Variants in C12orf42 observed in about 807,000 individuals in gnomAD.
C12orf42 encodes uncharacterized protein C12orf42.
C12orf42 carries 25 observed loss-of-function variants against 21.6 expected under a neutral mutation model. That is an observed-to-expected ratio of 1.16 (90% CI 0.84 to 1.62). The LOEUF (loss-of-function observed/expected upper bound fraction) is 1.62, where lower values mean the gene tolerates loss of function less well. Ranked by LOEUF, C12orf42 falls within the 40% of genes most tolerant of loss-of-function variation. C12orf42 has a pLI of 0.00. For synonymous variants in C12orf42, 174 were observed against 175.0 expected (o/e 0.99, Z 0.05); for missense variants, 483 against 459.3 (o/e 1.05, Z -0.47).
chr12:103,346,266 G>A (rs1366853896), intron 4 of C12orf42, among the ~76,000 whole-genome samples: 1 of 152,142 alleles, frequency 6.6e-6, no homozygotes, highest in Non-Finnish European at 1.5e-5. Flanking sequence ...TATTACTGCT[G>A]TAACTAGCAG....
At chr12:103,222,255 T>C in the C12orf42 span, among the ~76,000 whole-genome samples, 1 of 151,012 alleles carries the variant, frequency 6.6e-6, no homozygotes, top group Non-Finnish European at 1.5e-5. Context: ...TTTATAGGAT[T>C]TGGGTAGGTA....
chr12:103,459,262 A>C (rs1952525332), intron 2 of C12orf42, among the ~76,000 whole-genome samples: 1 of 152,190 alleles, frequency 6.6e-6, no homozygotes, highest in Non-Finnish European at 1.5e-5. Context: ...CATAGCTGCC[A>C]CTGCTTTTTA....
chr12:103,277,509 T>G (rs970796880), intron 4 of C12orf42, among the ~76,000 whole-genome samples: 2 of 152,168 alleles, frequency 1.3e-5, no homozygotes, highest in African/African-American at 4.8e-5. Flanking sequence ...TCTTACAGAC[T>G]CCTCAGAAGG....
chr12:103,061,719 A>G, the C12orf42 span, among the ~76,000 whole-genome samples: 2 of 151,770 alleles, frequency 1.3e-5, no homozygotes, highest in African/African-American at 4.8e-5. Flanking sequence ...GTTTACATAT[A>G]TGTCTTTTTC....
chr12:103,323,780 A>C (rs1041330274), intron 4 of C12orf42, among the ~76,000 whole-genome samples: 5 of 152,340 alleles, frequency 3.3e-5, no homozygotes, highest in East Asian at 1.9e-4. Flanking sequence ...AGAAAAAAGA[A>C]AGCTAGTATC....
chr12:103,266,740 T>A (rs2035190040), downstream of C12orf42, among the ~76,000 whole-genome samples: 1 of 152,150 alleles, frequency 6.6e-6, no homozygotes, highest in South Asian at 2.1e-4. Context: ...ACATCTTTTT[T>A]AAAAAGTAGA....
At chr12:103,520,285 T>A in the C12orf42 span, among the ~76,000 whole-genome samples, 3 of 151,988 alleles carry the variant, frequency 2.0e-5, no homozygotes, top group African/African-American at 7.2e-5. Context: ...AGGGGCAGAG[T>A]GTTGAGATCA....
intron 1 of C12orf42, among the ~76,000 whole-genome samples, chr12:103,486,598 T>A (rs1954850966): frequency 3.3e-5 from 5 of 152,198 alleles, no homozygotes; most frequent in Admixed American, 6.5e-5. Flanking sequence ...CCTGCACTTT[T>A]TTTGGTTGGT....
At chr12:103,364,053 T>C (rs967258817) in intron 4 of C12orf42, among the ~76,000 whole-genome samples, 7 of 152,060 alleles carry the variant, frequency 4.6e-5, no homozygotes, top group Admixed American at 4.6e-4. Context: ...ATTCCATTCA[T>C]CAGTGCATGG....
the C12orf42 span, among the ~76,000 whole-genome samples, chr12:103,227,422 G>A: frequency 6.6e-6 from 1 of 151,974 alleles, no homozygotes; most frequent in Non-Finnish European, 1.5e-5. Flanking sequence ...ATAAGGGATT[G>A]GGGCAGAGAT....
chr12:103,164,545 A>C, the C12orf42 span: 1 of 438,396 alleles, frequency 2.3e-6, no homozygotes, highest in South Asian at 1.6e-5. Flanking sequence ...CTTCTGTCTA[A>C]GGCACAGGGG....
At chr12:103,127,833 C>T in the C12orf42 span, among the ~76,000 whole-genome samples, 6 of 152,228 alleles carry the variant, frequency 3.9e-5, no homozygotes, top group South Asian at 1.2e-3. Context: ...CGAGAACATT[C>T]TTTGTTTGAC....
chr12:103,356,005 A>T (rs565189068), intron 4 of C12orf42, among the ~76,000 whole-genome samples: 1 of 152,184 alleles, frequency 6.6e-6, no homozygotes, highest in East Asian at 1.9e-4. Flanking sequence ...CATGATCCTC[A>T]TTTTAACTCA....
chr12:103,076,740 T>G, the C12orf42 span, among the ~76,000 whole-genome samples: 11 of 152,206 alleles, frequency 7.2e-5, 1 homozygote, highest in Admixed American at 7.2e-4. Flanking sequence ...ATATATAGCA[T>G]TCACCAAGTA....
At chr12:103,485,397 A>T (rs553550622) in intron 1 of C12orf42, among the ~76,000 whole-genome samples, 2 of 152,272 alleles carry the variant, frequency 1.3e-5, no homozygotes, top group Middle Eastern at 3.4e-3. Flanking sequence ...GTTTGAAGTT[A>T]GGTAGTGTGA....
chr12:103,399,510 A>G lies in C12orf42; in HGVS notation c.147+2097T>C, dbSNP rs1366244796. Among the ~76,000 whole-genome samples the G allele has an allele frequency of 2.7e-5, 3 of 110,328 alleles. No homozygotes were observed. The East Asian group carries it at 6.9e-4, about 26-fold the overall frequency. The allele number at this position is 110,328 out of a possible 152,430, so 72.4% of individuals were successfully genotyped here. A position where few individuals can be genotyped will look rare whatever the true frequency, so the allele number is the denominator to read the frequency against. On this transcript the variant is annotated intron_variant, in intron 3 of 5. Coordinates refer to ENST00000548883, the MANE Select transcript of C12orf42 (RefSeq NM_198521.5). ...GATCCAGCAAACTCAAAAAAAAAAA[A>G]AAAGAAGAAGAAGAAAGGCCTTCCA...
downstream of C12orf42, among the ~76,000 whole-genome samples, chr12:103,236,256 C>T (rs559681012): frequency 1.2e-4 from 19 of 152,236 alleles, no homozygotes; most frequent in Admixed American, 7.9e-4. Flanking sequence ...GATGCTTAAG[C>T]GTAAAACTGA....
intron 2 of C12orf42, among the ~76,000 whole-genome samples, chr12:103,476,510 C>T (rs982830944): frequency 5.6e-4 from 85 of 152,156 alleles, no homozygotes; most frequent in Non-Finnish European, 2.9e-5. Context: ...CTGATTGGTC[C>T]AGACTGGTTC....
the C12orf42 span, among the ~76,000 whole-genome samples, chr12:103,507,370 G>A: frequency 3.7e-5 from 5 of 135,620 alleles, no homozygotes; most frequent in African/African-American, 1.1e-4. Context: ...GGGCAGGGGG[G>A]CATAAAAGTG....
Sources: allele counts gnomAD v4.1 joint callset (sites outside exome capture counted in the v4.1 genomes callset), GRCh38; gene constraint gnomAD v4.1.1; transcripts MANE v1.5; gene names NCBI Gene and HGNC (gene_info 2026-07-23, HGNC 2026-07-21).